Variants in AOPEP observed in about 807,000 individuals in gnomAD.
The protein encoded by AOPEP is aminopeptidase O.
A neutral mutation model predicts 98.1 loss-of-function variants in AOPEP; 77 were observed. The ratio of observed to expected loss-of-function variants is 0.78; its 90% confidence interval spans 0.65 to 0.95. The LOEUF (loss-of-function observed/expected upper bound fraction) is 0.95. Among genes scored for constraint, AOPEP ranks in the 40% least tolerant of loss-of-function variants. AOPEP has a pLI of 0.00. For synonymous variants in AOPEP, 346 were observed against 365.3 expected, an observed-to-expected ratio of 0.95 and a Z score of 0.60; for missense variants, 1,024 against 1,024.7, an observed-to-expected ratio of 1.00 and a Z score of 0.01.
intron 5 of AOPEP, among the ~76,000 whole-genome samples, chr9:94,830,102 G>A (rs1443478576): frequency 1.3e-5 from 2 of 152,144 alleles, no homozygotes; most frequent in African/African-American, 4.8e-5. Flanking sequence ...ATAGGTAAAC[G>A]TGTGCCATGG....
intron 11 of AOPEP, chr9:95,004,405 C>T (rs2061775486): frequency 7.5e-6 from 3 of 400,088 alleles, no homozygotes; most frequent in Non-Finnish European, 1.5e-5. Context: ...CTCGCGGGAG[C>T]GCGGGGCTGG....
intron 1 of AOPEP, among the ~76,000 whole-genome samples, chr9:94,734,322 C>G (rs1401472075): frequency 2.0e-5 from 3 of 152,022 alleles, no homozygotes; most frequent in Admixed American, 6.6e-5. Flanking sequence ...TAATGTCCTA[C>G]AGAGAAGGAC....
intron 6 of AOPEP, among the ~76,000 whole-genome samples, chr9:94,926,315 C>A (rs1051479381): frequency 6.6e-6 from 1 of 152,112 alleles, no homozygotes; most frequent in Non-Finnish European, 1.5e-5. Context: ...TCTGGGCGGG[C>A]CTGGAAAGCC....
At chr9:94,819,899 G>A (rs1312199466) in intron 5 of AOPEP, among the ~76,000 whole-genome samples, 1 of 149,766 alleles carries the variant, frequency 6.7e-6, no homozygotes, top group Non-Finnish European at 1.5e-5. Flanking sequence ...TTTGCAAAAG[G>A]ACCAACCTTA....
At chr9:94,977,473 T>C (rs191540513) in intron 10 of AOPEP, among the ~76,000 whole-genome samples, 1 of 152,264 alleles carries the variant, frequency 6.6e-6, no homozygotes, top group East Asian at 1.9e-4. Context: ...TCTGGCAAAT[T>C]GCTACTGCCC....
chr9:94,883,069 C>A (rs2047779781), intron 5 of AOPEP, among the ~76,000 whole-genome samples: 1 of 152,168 alleles, frequency 6.6e-6, no homozygotes, highest in Admixed American at 6.5e-5. Context: ...ACTCAGGGAG[C>A]TGAGAACACA....
chr9:95,133,607 G>A, the AOPEP span, among the ~76,000 whole-genome samples: 1 of 152,200 alleles, frequency 6.6e-6, no homozygotes, highest in East Asian at 1.9e-4. Context: ...AAAAGGACAT[G>A]GAGAAGGTTC....
At chr9:95,089,227 G>A (rs567373059), downstream of AOPEP, among the ~76,000 whole-genome samples, 2 of 152,242 alleles carry the variant, frequency 1.3e-5, no homozygotes, top group Non-Finnish European at 2.9e-5. Flanking sequence ...GGGTCTCGGG[G>A]TCAGTAGGAG....
intron 13 of AOPEP, among the ~76,000 whole-genome samples, chr9:95,010,235 A>G (rs2062396437): frequency 6.6e-6 from 1 of 152,210 alleles, no homozygotes; most frequent in Non-Finnish European, 1.5e-5. Flanking sequence ...CTATTTAACA[A>G]AGTACTGCTG....
At chr9:94,962,342 G>A (rs957259017) in intron 9 of AOPEP, among the ~76,000 whole-genome samples, 44 of 152,284 alleles carry the variant, frequency 2.9e-4, no homozygotes, top group Middle Eastern at 3.4e-3. Context: ...GACAGACAAA[G>A]ATATTCCTAT....
intron 5 of AOPEP, among the ~76,000 whole-genome samples, chr9:94,816,010 G>A (rs866007941): frequency 3.9e-5 from 6 of 152,198 alleles, no homozygotes; most frequent in Non-Finnish European, 8.8e-5. Context: ...GCCAGCATCA[G>A]TACTGAGGTG....
chr9:94,853,863 A>C (rs1470764074), intron 5 of AOPEP, among the ~76,000 whole-genome samples: 1 of 152,216 alleles, frequency 6.6e-6, no homozygotes. Context: ...TGGTACACGC[A>C]TGGAGAAGCA....
intron 5 of AOPEP, among the ~76,000 whole-genome samples, chr9:94,844,515 C>G (rs2042625218): frequency 6.6e-6 from 1 of 152,156 alleles, no homozygotes; most frequent in Non-Finnish European, 1.5e-5. Flanking sequence ...AAAATCTTCT[C>G]TTAAAGTTAT....
chr9:94,792,637 C>T, intron 3 of AOPEP, 128 bp from the exon 4 acceptor site: 1 of 869,120 alleles, frequency 1.2e-6, no homozygotes, highest in Admixed American at 2.5e-5. Context: ...GCTGACGTGA[C>T]CGACCTCCAA....
At chr9:94,861,621 G>A (rs1455169339) in intron 5 of AOPEP, among the ~76,000 whole-genome samples, 1 of 152,186 alleles carries the variant, frequency 6.6e-6, no homozygotes, top group Admixed American at 6.5e-5. Flanking sequence ...TGGTTCCCAT[G>A]AGCTGTTTTA....
At position 95,080,676 on chromosome 9, in the gene AOPEP, T is replaced by G. The variant is rs764140710; in HGVS notation, c.2233-18T>G. On this transcript the variant is annotated intron_variant, in intron 14 of 16. Transcript: ENST00000375315. ...CCTGCCTGCTTGTCGCTCACTGGGC[T>G]CTCTCTTGTTCCTCCAGGTTCGCCA... 1 of 1,604,684 alleles carries G rather than the reference T, an allele frequency of 6.2e-7. No homozygotes were observed. The highest frequency in any genetic ancestry group is 8.5e-7 in the Non-Finnish European group (1 of 1,173,174).
At chr9:94,777,235 A>G (rs1842308633) in intron 3 of AOPEP, among the ~76,000 whole-genome samples, 1 of 152,098 alleles carries the variant, frequency 6.6e-6, no homozygotes, top group Non-Finnish European at 1.5e-5. Context: ...GATTGAGACC[A>G]TCCTGGCTAA....
At chr9:95,046,103 A>G (rs1052107636) in intron 13 of AOPEP, among the ~76,000 whole-genome samples, 4 of 152,204 alleles carry the variant, frequency 2.6e-5, no homozygotes, top group Admixed American at 2.0e-4. Flanking sequence ...TCAACTTCCG[A>G]AAAGCAAAAT....
At chr9:94,775,256 T>C (rs1438325853) in intron 3 of AOPEP, among the ~76,000 whole-genome samples, 1 of 152,192 alleles carries the variant, frequency 6.6e-6, no homozygotes, top group Non-Finnish European at 1.5e-5. Flanking sequence ...TTGTCTTTTT[T>C]TTTCAAATAG....
Sources: allele counts gnomAD v4.1 joint callset (sites outside exome capture counted in the v4.1 genomes callset), GRCh38; gene constraint gnomAD v4.1.1; transcripts MANE v1.5; gene names NCBI Gene and HGNC (gene_info 2026-07-23, HGNC 2026-07-21).